HIPK2: variants seen among roughly 807,000 people sequenced by gnomAD.
The protein encoded by HIPK2 is homeodomain interacting protein kinase 2, also known as homeodomain-interacting protein kinase 2.
A neutral mutation model predicts 113.7 loss-of-function variants in HIPK2; 27 were observed. The ratio of observed to expected loss-of-function variants is 0.24; its 90% CI spans 0.17 to 0.33. The LOEUF (loss-of-function observed/expected upper bound fraction) is 0.33. Ranked by LOEUF, HIPK2 falls within the 10% of genes least tolerant of loss-of-function variation. The probability of loss-of-function intolerance (pLI) is 1.00; values close to 1 mark genes in which losing one functional copy is unlikely to be tolerated. For missense variants in HIPK2, 1,257 were observed against 1,588.0 expected, an observed-to-expected ratio of 0.79 and a Z score of 3.54; for synonymous variants, 631 against 642.2, an observed-to-expected ratio of 0.98 and a Z score of 0.26.
At chr7:139,658,062 C>T (rs1801734227) in intron 2 of HIPK2, among the ~76,000 whole-genome samples, 1 of 152,122 alleles carries the variant, frequency 6.6e-6, no homozygotes, top group Non-Finnish European at 1.5e-5. Context: ...CCTACTTGAT[C>T]ACCTTAAGAA....
In HIPK2 at chr7:139,613,419, C is replaced by T; in HGVS notation, c.1991-96G>A. On this transcript the variant is annotated intron_variant, in intron 8 of 14. Transcript: ENST00000406875. The surrounding 1 kb of genome is among the most constrained non-coding windows in gnomAD (Gnocchi z 4.2). The stretch of plus-strand genomic sequence containing the variant: ...CCTGGGCAGTTATGTCAACTTTCTG[C>T]TTCCCTTTGCACTGGTCACTGACAA... 6.8e-7 allele frequency: 1 copy of T among 1,462,936 alleles called. No individual in the cohort carries two copies. 90.6% of individuals were successfully genotyped at this position (1,462,936 alleles called of 1,614,324 possible).
At chr7:139,703,725 C>G (rs1443785362) in intron 2 of HIPK2, among the ~76,000 whole-genome samples, 1 of 146,356 alleles carries the variant, frequency 6.8e-6, no homozygotes. Context: ...CACACTATAT[C>G]CAACATACAC....
chr7:139,734,450 A>C (rs1795880803), intron 1 of HIPK2, among the ~76,000 whole-genome samples: 1 of 152,228 alleles, frequency 6.6e-6, no homozygotes, highest in Non-Finnish European at 1.5e-5. Flanking sequence ...GCACTGCTGC[A>C]TACAGGCCTA....
chr7:139,678,264 C>T (rs1014748387), intron 2 of HIPK2, among the ~76,000 whole-genome samples: 5 of 152,106 alleles, frequency 3.3e-5, no homozygotes, highest in Admixed American at 1.3e-4. Context: ...GTTGCCATTG[C>T]TTTTGGTGTT....
chr7:139,567,196 A>G lies in HIPK2; in HGVS notation c.*5731T>C, dbSNP rs1798118704. The G allele has an allele frequency of 2.0e-5, 3 of 152,176 alleles. No individual in the cohort carries two copies. In the South Asian group the frequency reaches 6.2e-4, roughly 32 times the overall value. 9.4% of individuals were successfully genotyped at this position (152,176 alleles called of 1,614,324 possible). A position where few individuals can be genotyped will look rare whatever the true frequency, so the allele number is the denominator to read the frequency against. Reference sequence around the variant, plus strand: ...GGCATCAAAGTGGAAAAGTACTGCTATTCCGAGCCCAGCCCCCGCGTGCTC... The same window carrying G: ...GGCATCAAAGTGGAAAAGTACTGCTGTTCCGAGCCCAGCCCCCGCGTGCTC... On this transcript the variant is annotated 3_prime_UTR_variant, in exon 15 of 15. Coordinates refer to ENST00000406875, the MANE Select transcript of HIPK2 (RefSeq NM_022740.5).
In HIPK2 at chr7:139,713,232, G is replaced by A. The variant is rs117256657; in HGVS notation, c.1103+2700C>T. ...CCAGCCTACCACACCCACCAGAGGCGTCCAAAAGGCCTGATCTCACCCACA... is the reference window on the plus strand; with the variant it reads ...CCAGCCTACCACACCCACCAGAGGCATCCAAAAGGCCTGATCTCACCCACA... On this transcript the variant is annotated intron_variant, in intron 2 of 14. Coordinates refer to ENST00000406875, the MANE Select transcript of HIPK2 (RefSeq NM_022740.5). 3.3e-5 allele frequency among the ~76,000 whole-genome samples: 5 copies of A among 152,252 alleles called. No homozygotes were observed. The East Asian group carries it at 5.8e-4, about 18-fold the overall frequency.
At chr7:139,738,721 G>T (rs1796015692) in intron 1 of HIPK2, among the ~76,000 whole-genome samples, 1 of 152,108 alleles carries the variant, frequency 6.6e-6, no homozygotes, top group Non-Finnish European at 1.5e-5. Flanking sequence ...AGGGGAATCT[G>T]GGTATAGGGG....
At chr7:139,713,277 C>T (rs1413398179) in intron 2 of HIPK2, among the ~76,000 whole-genome samples, 2 of 152,154 alleles carry the variant, frequency 1.3e-5, no homozygotes, top group East Asian at 3.8e-4. Flanking sequence ...AGGAGAGGAT[C>T]GCTGTGAGTC....
At chr7:139,709,262 C>T (rs1268653235) in intron 2 of HIPK2, among the ~76,000 whole-genome samples, 1 of 152,202 alleles carries the variant, frequency 6.6e-6, no homozygotes, top group African/African-American at 2.4e-5. Context: ...GAACCTTCTC[C>T]TGTTGTTTCT....
intron 2 of HIPK2, among the ~76,000 whole-genome samples, chr7:139,670,755 CTTTCTTTT>C (rs1224408706): frequency 1.6e-4 from 6 of 37,016 alleles, no homozygotes; most frequent in Middle Eastern, 0.017. Context: ...TTCTTTCTTT[CTTTCTTTT>C]TTTTTTTTTT....
intron 7 of HIPK2, among the ~76,000 whole-genome samples, chr7:139,614,890 G>A (rs556482728): frequency 2.0e-5 from 3 of 152,360 alleles, no homozygotes; most frequent in East Asian, 1.9e-4. Context: ...AAGACCAGGC[G>A]TGAGTTGAGG....
intron 13 of HIPK2, 146 bp downstream of exon 13, chr7:139,583,671 T>A: frequency 8.1e-7 from 1 of 1,236,170 alleles, no homozygotes. Flanking sequence ...CCTGGATACT[T>A]GAATAAAATC....
intron 6 of HIPK2, among the ~76,000 whole-genome samples, chr7:139,620,990 T>C (rs1188320983): frequency 6.6e-6 from 1 of 152,106 alleles, no homozygotes; most frequent in East Asian, 1.9e-4. Flanking sequence ...AAGACAACCC[T>C]TGTAGTCACC....
At chr7:139,754,643 ATAAT>A (rs1460545965) in intron 1 of HIPK2, among the ~76,000 whole-genome samples, 1 of 152,250 alleles carries the variant, frequency 6.6e-6, no homozygotes, top group Admixed American at 6.5e-5. Context: ...ATTCTGAACA[ATAAT>A]TAGTTTGTGA....
intron 2 of HIPK2, among the ~76,000 whole-genome samples, chr7:139,638,656 C>CTTTTTTTTTTTTTTTTTTT (rs1184555180): frequency 4.6e-5 from 6 of 130,244 alleles, no homozygotes; most frequent in African/African-American, 1.8e-4. Flanking sequence ...AAATAATTGT[C>CTTTTTTTTTTTTTTTTTTT]TTTTTTTTTT....
intron 2 of HIPK2, among the ~76,000 whole-genome samples, chr7:139,708,485 G>C (rs561256725): frequency 2.0e-4 from 30 of 152,320 alleles, no homozygotes; most frequent in Admixed American, 5.2e-4. Context: ...CCTGGGTGAT[G>C]ATGGGGCAGG....
intron 1 of HIPK2, among the ~76,000 whole-genome samples, chr7:139,736,240 C>G (rs1029006499): frequency 6.6e-6 from 1 of 152,080 alleles, no homozygotes; most frequent in South Asian, 2.1e-4. Context: ...CTGGCACTGA[C>G]AGGTAGGAAA....
At position 139,600,573 on chromosome 7, in the gene HIPK2, T is replaced by C. The variant is rs371052046; in HGVS notation, c.2279A>G (p.His760Arg). ...AGGCTGCTGCATGATGGGATTATAA[T>C]GGCTTCCGTGAGCATGCGTATTTCT... Reference protein sequence around the residue: ...DWRNTHAHGSHYNPIMQQPAL... With the variant: ...DWRNTHAHGSRYNPIMQQPAL... The change falls in exon 11 of 15, where the codon CAT becomes CGT. Residue 760 changes from histidine to arginine, a missense_variant. By Grantham distance (29) the His-to-Arg change is conservative. Coordinates refer to ENST00000406875, the MANE Select transcript of HIPK2 (RefSeq NM_022740.5). The C allele has an allele frequency of 7.9e-5, 128 of 1,613,856 alleles. No individual in the cohort carries two copies. Among genetic ancestry groups the C allele is most frequent in the Non-Finnish European group, 1.0e-4 (119 of 1,179,866 alleles).
At chr7:139,670,746 TCTTTCTTTCTTTC>T (rs1404057940) in intron 2 of HIPK2, among the ~76,000 whole-genome samples, 3 of 68,256 alleles carry the variant, frequency 4.4e-5, no homozygotes, top group East Asian at 1.6e-3. Context: ...TTTCTTTCTT[TCTTTCTTTCTTTC>T]TTTTTTTTTT....
Sources: allele counts gnomAD v4.1 joint callset (sites outside exome capture counted in the v4.1 genomes callset), GRCh38; gene constraint gnomAD v4.1.1; non-coding constraint Gnocchi (gnomAD v3.1); transcripts MANE v1.5; gene names NCBI Gene and HGNC (gene_info 2026-07-23, HGNC 2026-07-21).